SATB1: variants seen among roughly 807,000 people sequenced by gnomAD.
The protein encoded by SATB1 is DNA-binding protein SATB1.
Under a neutral mutation model 86.9 loss-of-function variants are expected in SATB1, and 11 were observed. The ratio of observed to expected loss-of-function variants is 0.13; its 90% confidence interval spans 0.08 to 0.21. The LOEUF (loss-of-function observed/expected upper bound fraction) is 0.21. Among genes scored for constraint, SATB1 ranks in the 10% least tolerant of loss-of-function variants. The probability of loss-of-function intolerance (pLI) is 1.00; values close to 1 mark genes in which losing one functional copy is unlikely to be tolerated. For missense variants in SATB1, 551 were observed against 937.6 expected, an observed-to-expected ratio of 0.59 and a Z score of 5.39; for synonymous variants, 357 against 357.2, an observed-to-expected ratio of 1.00 and a Z score of 0.01.
intron 9 of SATB1, among the ~76,000 whole-genome samples, chr3:18,376,375 A>C (rs1424919154): frequency 6.6e-6 from 1 of 152,138 alleles, no homozygotes; most frequent in Non-Finnish European, 1.5e-5. Context: ...AACCTTTACT[A>C]TAATACATGT....
rs569138309 is a variant in SATB1, at chr3:18,386,116, T to C, written c.1419+283A>G. Among the ~76,000 whole-genome samples, 2 of 152,272 alleles carry C rather than the reference T, an allele frequency of 1.3e-5. No homozygotes were observed. The highest frequency in any genetic ancestry group is 3.9e-4 in the East Asian group (2 of 5,186). On this transcript the variant is annotated intron_variant, in intron 8 of 10. Transcript: ENST00000338745. The surrounding 1 kb of genome is among the most constrained non-coding windows in gnomAD (Gnocchi z 4.5). ...ATTGAGTTTAAAATACTTTACTTAA[T>C]AACAACAGTAGAGACAAATATCCCA...
At position 18,415,802 on chromosome 3, in the gene SATB1, T is replaced by C. The variant is rs987285600; in HGVS notation, c.515+205A>G. Among the ~76,000 whole-genome samples the C allele has an allele frequency of 2.0e-5, 3 of 148,970 alleles. No individual in the cohort carries two copies. In the South Asian group the frequency reaches 7.5e-4, roughly 37 times the overall value. ...AACCTGCACAAACCTACACATTTTT[T>C]GTGTGTGTGGGGGGGGGGATTGCTT... On this transcript the variant is annotated intron_variant, in intron 4 of 10. Transcript: ENST00000338745.
At chr3:18,362,763 C>T (rs925958430) in intron 9 of SATB1, among the ~76,000 whole-genome samples, 2 of 141,592 alleles carry the variant, frequency 1.4e-5, no homozygotes, top group Non-Finnish European at 3.0e-5. Context: ...TATGTTGCTT[C>T]CTAAAGTCAC....
chr3:18,387,024 T>C (rs1173439226), intron 7 of SATB1, among the ~76,000 whole-genome samples: 1 of 152,200 alleles, frequency 6.6e-6, no homozygotes, highest in African/African-American at 2.4e-5. Flanking sequence ...AAGCCATTTC[T>C]AGAGAAGTAG....
rs540130945 is a variant in SATB1 at position 18,431,254 on chromosome 3, C to G, written c.-25+5535G>C. 3.3e-5 allele frequency among the ~76,000 whole-genome samples: 5 copies of G among 152,210 alleles called. 1 individual carries two copies. In the South Asian group the frequency reaches 1.0e-3, roughly 32 times the overall value. ...TTCATGTCCCTTCTCACTTGAGGAC[C>G]TCCTTTCTGCTATCTTCTTTAACGT... On this transcript the variant is annotated intron_variant, in intron 2 of 3. Coordinates refer to the SATB1 transcript ENST00000414509.
At chr3:18,381,879 G>A (rs535739321) in intron 8 of SATB1, among the ~76,000 whole-genome samples, 1 of 152,090 alleles carries the variant, frequency 6.6e-6, no homozygotes, top group African/African-American at 2.4e-5. Flanking sequence ...TAGCACCATG[G>A]TTTCATATTT....
At chr3:18,411,606 C>T (rs1302895924) in intron 5 of SATB1, among the ~76,000 whole-genome samples, 1 of 151,866 alleles carries the variant, frequency 6.6e-6, no homozygotes, top group African/African-American at 2.4e-5. Context: ...AGTTTCATGA[C>T]TACAGGCTCT....
upstream of SATB1, among the ~76,000 whole-genome samples, chr3:18,443,083 T>C (rs1211914940): frequency 6.6e-6 from 1 of 152,198 alleles, no homozygotes; most frequent in Admixed American, 6.5e-5. The surrounding 1 kb of genome is among the most constrained non-coding windows in gnomAD (Gnocchi z 4.4). Flanking sequence ...AGAATAAATC[T>C]CACATTCCTG....
intron 5 of SATB1, among the ~76,000 whole-genome samples, chr3:18,414,450 T>TA (rs755213642): frequency 5.3e-5 from 8 of 151,884 alleles, no homozygotes; most frequent in Admixed American, 1.3e-4. Flanking sequence ...GGAAAATCAT[T>TA]AAAAAAATCT....
chr3:18,429,874 A>T (rs2125193204), upstream of SATB1, among the ~76,000 whole-genome samples: 1 of 152,288 alleles, frequency 6.6e-6, no homozygotes, highest in South Asian at 2.1e-4. This position sits in a 1 kb window ranked among gnomAD's most constrained non-coding sequence, Gnocchi z 4.1. Context: ...GCTCACTGCC[A>T]TATTACTAGG....
intron 9 of SATB1, among the ~76,000 whole-genome samples, chr3:18,374,797 A>G (rs1695660497): frequency 6.6e-6 from 1 of 152,192 alleles, no homozygotes; most frequent in African/African-American, 2.4e-5. Context: ...AATACCTGAT[A>G]AATAAATCTC....
rs1694043930 is a variant in SATB1, at chr3:18,346,126, T to C, written c.*3044A>G. On this transcript the variant is annotated 3_prime_UTR_variant, in exon 11 of 11. Transcript: ENST00000338745. ...CGCCACACAACTAGGACATACATATTAGTTACCTTGGTTTTCAAAGGTTGT... is the reference window on the plus strand; with the variant it reads ...CGCCACACAACTAGGACATACATATCAGTTACCTTGGTTTTCAAAGGTTGT... 1 of 152,160 alleles carries C rather than the reference T, an allele frequency of 6.6e-6. No homozygotes were observed. Among genetic ancestry groups the C allele is most frequent in the Non-Finnish European group, 1.5e-5 (1 of 67,982 alleles). 9.4% of individuals were successfully genotyped at this position (152,160 alleles called of 1,614,324 possible).
upstream of SATB1, among the ~76,000 whole-genome samples, chr3:18,440,554 C>A (rs1699214876): frequency 2.6e-5 from 4 of 152,146 alleles, no homozygotes; most frequent in Admixed American, 2.6e-4. Context: ...CTGATTGCTG[C>A]ACTGTCAGTT....
chr3:18,350,007 A>G (rs185451716), intron 10 of SATB1: 1 of 319,742 alleles, frequency 3.1e-6, no homozygotes, highest in East Asian at 5.3e-5. Flanking sequence ...AAAGGCGAAG[A>G]CAGCACATCA....
rs777765832 is a variant in SATB1, at chr3:18,368,659, T to C, written c.1575+9511A>G. Among the ~76,000 whole-genome samples the C allele has an allele frequency of 5.9e-5, 9 of 152,216 alleles. No homozygotes were observed. In the South Asian group the frequency reaches 1.0e-3, roughly 18 times the overall value. On this transcript the variant is annotated intron_variant, in intron 9 of 10. Coordinates refer to ENST00000338745, the MANE Select transcript of SATB1 (RefSeq NM_002971.6). ...ACAGCAGGAATCACCACCACCACCATTCTAAGTAGCTTCCAAGCTAGGTTC... is the reference window on the plus strand; with the variant it reads ...ACAGCAGGAATCACCACCACCACCACTCTAAGTAGCTTCCAAGCTAGGTTC...
chr3:18,399,158 T>C (rs138210690), intron 5 of SATB1, among the ~76,000 whole-genome samples: 21 of 152,342 alleles, frequency 1.4e-4, no homozygotes, highest in Middle Eastern at 3.4e-3. Flanking sequence ...TTTTTAGAAG[T>C]GTATGGAATA....
Position 18,348,308 on chromosome 3 carries a change from G to T in SATB1, c.*862C>A, listed in dbSNP as rs922915635. 2 of 152,674 alleles carry T rather than the reference G, an allele frequency of 1.3e-5. No individual in the cohort carries two copies. The highest frequency in any genetic ancestry group is 3.9e-4 in the East Asian group (2 of 5,190). The allele number at this position is 152,674 out of a possible 1,614,324, so 9.5% of individuals were successfully genotyped here. A position where few individuals can be genotyped will look rare whatever the true frequency, so the allele number is the denominator to read the frequency against. On this transcript the variant is annotated 3_prime_UTR_variant, in exon 11 of 11. Transcript: ENST00000338745. ...TAGTATGAATTGCTTGGATAACATA[G>T]AGCACTTTTTATAGGCAACTGTGTA...
At position 18,387,743 on chromosome 3, in the gene SATB1, A is replaced by T. The variant is rs535520044; in HGVS notation, c.1207-1132T>A. On this transcript the variant is annotated intron_variant, in intron 7 of 10. Transcript: ENST00000338745. ...AAAATTTTGTCAGGATTTCTATATA[A>T]TTTGCAAATCTACTTTCCAATATCC... Among the ~76,000 whole-genome samples, 45 of 152,284 alleles carry T rather than the reference A, an allele frequency of 3.0e-4. No individual in the cohort carries two copies. The South Asian group carries it at 4.1e-3, about 14-fold the overall frequency.
intron 5 of SATB1, among the ~76,000 whole-genome samples, chr3:18,403,294 G>A (rs547704616): frequency 1.3e-5 from 2 of 151,902 alleles, no homozygotes; most frequent in East Asian, 1.9e-4. Flanking sequence ...TCCCATCTGT[G>A]TGTTGCAACA....
Sources: allele counts gnomAD v4.1 joint callset (sites outside exome capture counted in the v4.1 genomes callset), GRCh38; gene constraint gnomAD v4.1.1; non-coding constraint Gnocchi (gnomAD v3.1); transcripts MANE v1.5; gene names NCBI Gene and HGNC (gene_info 2026-07-23, HGNC 2026-07-21).